RANGRF: variants seen among roughly 807,000 people sequenced by gnomAD.
RANGRF encodes MOG1 homolog.
RANGRF carries 17 observed loss-of-function variants against 21.8 expected under a neutral mutation model. The ratio of observed to expected loss-of-function variants is 0.78; its 90% CI spans 0.53 to 1.17. The LOEUF is 1.17. RANGRF is among the 50% of genes most tolerant of loss of function. The pLI is 0.00. For synonymous variants in RANGRF, 97 were observed against 94.3 expected, an observed-to-expected ratio of 1.03 and a Z score of -0.17; for missense variants, 225 against 235.5, an observed-to-expected ratio of 0.96 and a Z score of 0.29.
chr17:8,289,983 T>C lies in RANGRF; in HGVS notation c.*47T>C, dbSNP rs1429517243. 6.2e-7 allele frequency: 1 copy of C among 1,612,362 alleles called. No homozygotes were observed. Among genetic ancestry groups the C allele is most frequent in the East Asian group, 2.2e-5 (1 of 44,808 alleles). Reference sequence around the variant, plus strand: ...TGTTGCTGAGAACTTGGGGACTCGGTTCTGTGAGGGGGAAAAGAGGTTGAA... The same window carrying C: ...TGTTGCTGAGAACTTGGGGACTCGGCTCTGTGAGGGGGAAAAGAGGTTGAA... On this transcript the variant is annotated 3_prime_UTR_variant, in exon 5 of 5. Coordinates refer to ENST00000226105, the MANE Select transcript of RANGRF (RefSeq NM_016492.5).
At position 8,288,854 on chromosome 17, in the gene RANGRF, C is replaced by T. The variant is rs757852910; in HGVS notation, c.66C>T (p.Ala22=). 1 of 1,614,222 alleles carries T rather than the reference C, an allele frequency of 6.2e-7. No homozygotes were observed. The highest frequency in any genetic ancestry group is 2.2e-5 in the East Asian group (1 of 44,886). The part of the protein sequence containing the change: ...GAFSAILPMG[A]IDVSDLRPVP... ...TTTCCGCCATCCTCCCCATGGGGGC[C>T]ATTGACGTAAGGTGAGAAGGCCGGG... The change falls in exon 1 of 5, where the codon GCC becomes GCT. Residue 22 remains alanine, a synonymous_variant. Transcript: ENST00000226105.
At position 8,289,808 on chromosome 17, in the gene RANGRF, C is replaced by T; in HGVS notation, c.438-5C>T. 1 of 1,613,810 alleles carries T rather than the reference C, an allele frequency of 6.2e-7. No individual in the cohort carries two copies. The highest frequency in any genetic ancestry group is 8.5e-7 in the Non-Finnish European group (1 of 1,180,032). On this transcript the variant is annotated splice_polypyrimidine_tract_variant and splice_region_variant and intron_variant, in intron 4 of 4. Coordinates refer to ENST00000226105, the MANE Select transcript of RANGRF (RefSeq NM_016492.5). The stretch of plus-strand genomic sequence containing the variant: ...TTCTGTCTCCATCTGTTCCCCCACC[C>T]CAAGCCCTGACAACAGGTCATCTCT...
chr17:8,288,704 T>G lies in RANGRF; in HGVS notation c.-85T>G. The G allele has an allele frequency of 6.7e-7, 1 of 1,489,898 alleles. No individual in the cohort carries two copies. The highest frequency in any genetic ancestry group is 1.1e-5 in the South Asian group (1 of 88,384). The allele number at this position is 1,489,898 out of a possible 1,614,324, so 92.3% of individuals were successfully genotyped here. ...GCCAGACCCGGGTGGCGGTGGCAGC[T>G]GCGAAACCCAGGGAGCCGATGCCAC... On this transcript the variant is annotated 5_prime_UTR_variant, in exon 1 of 5. Coordinates refer to ENST00000226105, the MANE Select transcript of RANGRF (RefSeq NM_016492.5).
chr17:8,289,068 G>A lies in RANGRF; in HGVS notation c.190G>A (p.Ala64Thr), dbSNP rs781629730. Residue 64 changes from alanine (A) to threonine (T), a missense_variant, in exon 2 of 5, where the codon GCG becomes ACG. Ala to Thr is a moderately conservative substitution (Grantham distance 58, BLOSUM62 0). Transcript: ENST00000226105. ...GGCCCACGTACGGGGCGAAGCGGCT[G>A]CGCGGTGAGGGAATGGCCCCCGGCT... is the stretch of plus-strand genomic sequence containing the variant. ...LQAHVRGEAA[A>T]RYHFEDVGGV... The A allele has an allele frequency of 3.7e-6, 6 of 1,613,358 alleles. No homozygotes were observed. Among genetic ancestry groups the A allele is most frequent in the Non-Finnish European group, 5.1e-6 (6 of 1,179,926 alleles).
At position 8,289,405 on chromosome 17, in the gene RANGRF, A is replaced by G. The variant is rs746452604; in HGVS notation, c.342A>G (p.Glu114=). ...VLSGKQQIAK[E]NQQVAKDVTL... ...CTGGCAAGCAGCAGATAGCTAAGGA[A>G]AACCAGCAGGTGAGGGCCCGAGAGT... The change falls in exon 3 of 5, where the codon GAA becomes GAG. Residue 114 remains glutamate, a synonymous_variant. Transcript: ENST00000226105. 1.2e-6 allele frequency: 2 copies of G among 1,614,056 alleles called. No homozygotes were observed. Among genetic ancestry groups the G allele is most frequent in the East Asian group, 2.2e-5 (1 of 44,874 alleles).
chr17:8,289,101 G>A, intron 2 of RANGRF, 29 bp downstream of exon 2: 1 of 1,609,024 alleles, frequency 6.2e-7, no homozygotes, highest in Non-Finnish European at 8.5e-7. Flanking sequence ...GCTGGCCAAT[G>A]GCAGGGGCGG....
chr17:8,289,833 T>G lies in RANGRF; in HGVS notation c.458T>G (p.Leu153Arg). Reference protein sequence around the residue: ...NQPPPDNRSSLGPENLSPAPW... With the variant: ...NQPPPDNRSSRGPENLSPAPW... ...CCAAGCCCTGACAACAGGTCATCTC[T>G]TGGCCCCGAAAATCTGTCACCTGCA... Residue 153 changes from leucine to arginine, a missense_variant, in exon 5 of 5, where the codon CTT (leucine) becomes CGT (arginine). Physicochemically the swap from Leu to Arg is moderately radical, Grantham distance 102. Transcript: ENST00000226105. 1 of 1,614,116 alleles carries G rather than the reference T, an allele frequency of 6.2e-7. No individual in the cohort carries two copies. The highest frequency in any genetic ancestry group is 8.5e-7 in the Non-Finnish European group (1 of 1,180,040).
Position 8,288,944 on chromosome 17 carries a change from G to A in RANGRF, c.78-12G>A, listed in dbSNP as rs1193957861. The A allele has an allele frequency of 6.2e-7, 1 of 1,614,010 alleles. No homozygotes were observed. Among genetic ancestry groups the A allele is most frequent in the Non-Finnish European group, 8.5e-7 (1 of 1,179,948 alleles). On this transcript the variant is annotated splice_polypyrimidine_tract_variant and intron_variant, in intron 1 of 4. Coordinates refer to ENST00000226105, the MANE Select transcript of RANGRF (RefSeq NM_016492.5). ...ACCGGGGTCAACCAGGGTCTGCCTC[G>A]CCTCACTCCAGCGACCTCCGACCGG... is the stretch of plus-strand genomic sequence containing the variant.
chr17:8,289,100 T>C, intron 2 of RANGRF, 28 bp downstream of exon 2: 2 of 1,610,352 alleles, frequency 1.2e-6, no homozygotes, highest in Non-Finnish European at 1.7e-6. Context: ...GGCTGGCCAA[T>C]GGCAGGGGCG....
In RANGRF at chr17:8,289,261, C is replaced by A. The variant is rs1223777741; in HGVS notation, c.198C>A (p.Tyr66Ter). Reference sequence around the variant, plus strand: ...TGACCCCGCTTCCCTACTCCAGGTACCACTTTGAGGATGTTGGTGGCGTGC... The same window carrying A: ...TGACCCCGCTTCCCTACTCCAGGTAACACTTTGAGGATGTTGGTGGCGTGC... The part of the protein sequence containing the change: ...AHVRGEAAAR[Y>*]HFEDVGGVQG... Residue 66 changes from tyrosine to a stop codon, truncating the protein, a stop_gained, in exon 3 of 5, where the codon TAC becomes TAA. Coordinates refer to ENST00000226105, the MANE Select transcript of RANGRF (RefSeq NM_016492.5). LOFTEE classifies it high-confidence loss of function. 13 of 1,613,550 alleles carry A rather than the reference C, an allele frequency of 8.1e-6. No homozygotes were observed. Among genetic ancestry groups the A allele is most frequent in the Non-Finnish European group, 1.1e-5 (13 of 1,179,982 alleles).
chr17:8,289,474 G>C, intron 3 of RANGRF, 29 bp from the exon 4 acceptor site: 1 of 1,614,152 alleles, frequency 6.2e-7, no homozygotes, highest in Admixed American at 1.7e-5. Flanking sequence ...CAGAGATCCA[G>C]GTAAGCATCC....
rs554698090 is a variant in RANGRF, at chr17:8,289,980, C to T, written c.*44C>T. 2.0e-5 allele frequency: 33 copies of T among 1,612,722 alleles called. No homozygotes were observed. The highest frequency in any genetic ancestry group is 1.7e-4 in the Middle Eastern group (1 of 6,056). On this transcript the variant is annotated 3_prime_UTR_variant, in exon 5 of 5. Coordinates refer to ENST00000226105, the MANE Select transcript of RANGRF (RefSeq NM_016492.5). ...TGATGTTGCTGAGAACTTGGGGACT[C>T]GGTTCTGTGAGGGGGAAAAGAGGTT...
Position 8,289,927 on chromosome 17 carries a change from T to A in RANGRF, c.552T>A (p.Gly184=). 1 of 1,613,968 alleles carries A rather than the reference T, an allele frequency of 6.2e-7. No individual in the cohort carries two copies. Among genetic ancestry groups the A allele is most frequent in the East Asian group, 2.2e-5 (1 of 44,884 alleles). ...CCCTTCACGATCCTAACATCTTTGG[T>A]CCCCAGTAAAGGCGCTGAAGCACTG... ...SLTLHDPNIF[G]PQ The change falls in exon 5 of 5, where the codon GGT becomes GGA. Residue 184 remains glycine (G), a synonymous_variant. Coordinates refer to ENST00000226105, the MANE Select transcript of RANGRF (RefSeq NM_016492.5).
Position 8,289,919 on chromosome 17 carries a change from A to C in RANGRF, c.544A>C (p.Ile182Leu). ...VTSLTLHDPN[I>L]FGPQ ...CAGTCTGACCCTTCACGATCCTAAC[A>C]TCTTTGGTCCCCAGTAAAGGCGCTG... is the stretch of plus-strand genomic sequence containing the variant. The change falls in exon 5 of 5, where the codon ATC (isoleucine) becomes CTC (leucine). Residue 182 changes from isoleucine (I) to leucine (L), a missense_variant. Coordinates refer to ENST00000226105, the MANE Select transcript of RANGRF (RefSeq NM_016492.5). The C allele has an allele frequency of 6.2e-7, 1 of 1,614,070 alleles. No homozygotes were observed. The highest frequency in any genetic ancestry group is 8.5e-7 in the Non-Finnish European group (1 of 1,180,006).
In RANGRF at chr17:8,289,567, T is replaced by G; in HGVS notation, c.416T>G (p.Leu139Trp). 6.2e-7 allele frequency: 1 copy of G among 1,613,374 alleles called. No individual in the cohort carries two copies. The highest frequency in any genetic ancestry group is 8.5e-7 in the Non-Finnish European group (1 of 1,179,410). The change falls in exon 4 of 5, where the codon TTG becomes TGG. Residue 139 changes from leucine to tryptophan, a missense_variant. Leu to Trp is a moderately conservative substitution (Grantham distance 61, BLOSUM62 -2). Coordinates refer to ENST00000226105, the MANE Select transcript of RANGRF (RefSeq NM_016492.5). ...LRLPQYQTDL[L>W]LTFNQPPPDN... ...CTGCCCCAGTACCAGACTGATCTCT[T>G]GCTTACCTTCAATCAGCCCCCGTAA...
In RANGRF at chr17:8,289,028, A is replaced by C; in HGVS notation, c.150A>C (p.Glu50Asp). 1 of 1,613,996 alleles carries C rather than the reference A, an allele frequency of 6.2e-7. No individual in the cohort carries two copies. Residue 50 changes from glutamate to aspartate, a missense_variant, in exon 2 of 5, where the codon GAA (glutamate) becomes GAC (aspartate). Coordinates refer to ENST00000226105, the MANE Select transcript of RANGRF (RefSeq NM_016492.5). ...TGACGGACCAGAGCCTGATAGTGGA[A>C]CTTCTCGAGCTGCAGGCCCACGTAC... Reference protein sequence around the residue: ...HPVTDQSLIVELLELQAHVRG... With the variant: ...HPVTDQSLIVDLLELQAHVRG...
intron 2 of RANGRF, 61 bp downstream of exon 2, chr17:8,289,133 C>A (rs1230765929): frequency 1.9e-6 from 3 of 1,602,378 alleles, no homozygotes; most frequent in Non-Finnish European, 2.6e-6. Context: ...TGGGCGGGGC[C>A]CGCGGCCGAC....
intron 3 of RANGRF, 26 bp downstream of exon 3, chr17:8,289,440 C>T (rs1990303810): frequency 6.2e-7 from 1 of 1,614,010 alleles, no homozygotes; most frequent in Non-Finnish European, 8.5e-7. Context: ...TGTGTAATGT[C>T]CTGGAAGGGC....
intron 1 of RANGRF, 22 bp downstream of exon 1, chr17:8,288,887 G>C: frequency 6.2e-7 from 1 of 1,614,174 alleles, no homozygotes; most frequent in African/African-American, 1.3e-5. Context: ...GGGGCGCCCA[G>C]GGGCGGCTGA....
Sources: allele counts gnomAD v4.1 joint callset, GRCh38; gene constraint gnomAD v4.1.1; transcripts MANE v1.5; gene names NCBI Gene and HGNC (gene_info 2026-07-23, HGNC 2026-07-21).